The following CATSPERD variants were observed in gnomAD, a reference collection of about 807,000 sequenced individuals.
CATSPERD encodes catsper channel auxiliary subunit delta, also known as cation channel sperm-associated auxiliary subunit delta.
Under a neutral mutation model 98.1 loss-of-function variants are expected in CATSPERD, and 86 were observed. The ratio of observed to expected loss-of-function variants is 0.88; its 90% CI spans 0.74 to 1.05. The LOEUF (loss-of-function observed/expected upper bound fraction) is 1.05. CATSPERD is among the 50% of genes least tolerant of loss of function. The pLI is 0.00. For missense variants in CATSPERD, 995 were observed against 1,005.7 expected, an observed-to-expected ratio of 0.99 and a Z score of 0.14; for synonymous variants, 394 against 390.2, an observed-to-expected ratio of 1.01 and a Z score of -0.12.
In CATSPERD at chr19:5,731,560, GTTTTTTTT is replaced by G. The variant is rs67541709; in HGVS notation, c.276+1635_276+1642del. Among the ~76,000 whole-genome samples the G allele has an allele frequency of 1.8e-3, 134 of 75,724 alleles. 1 individual carries two copies. Among genetic ancestry groups the G allele is most frequent in the African/African-American group, 6.3e-3 (128 of 20,188 alleles). The allele number at this position is 75,724 out of a possible 152,430, so 49.7% of individuals were successfully genotyped here. On this transcript the variant is annotated intron_variant, in intron 4 of 21. Transcript: ENST00000381624. ...TTTCTCCTAAAAGCGACACTTAACA[GTTTTTTTT>G]TTTTTTTTTTTTTTTTTTGAGACGG...
intron 17 of CATSPERD, among the ~76,000 whole-genome samples, chr19:5,767,014 T>G (rs960803852): frequency 3.3e-5 from 5 of 150,880 alleles, no homozygotes; most frequent in Non-Finnish European, 7.4e-5. Context: ...TTAAAATAAA[T>G]TTTTTAAAAA....
At chr19:5,753,529 C>T (rs137899999) in intron 12 of CATSPERD, 114 of 320,206 alleles carry the variant, frequency 3.6e-4, no homozygotes, top group African/African-American at 2.0e-3. Context: ...GCCACTGCAC[C>T]CCAACCTGGG....
intron 20 of CATSPERD, among the ~76,000 whole-genome samples, chr19:5,774,799 T>C (rs768843600): frequency 6.6e-6 from 1 of 151,758 alleles, no homozygotes; most frequent in Non-Finnish European, 1.5e-5. Flanking sequence ...GATGGATCAC[T>C]TGAGGTCAGG....
rs540165807 is a variant in CATSPERD, at chr19:5,773,107, A to C, written c.1941+142A>C. 3.7e-6 allele frequency: 3 copies of C among 803,120 alleles called. No individual in the cohort carries two copies. The African/African-American group carries it at 5.2e-5, about 14-fold the overall frequency. The allele number at this position is 803,120 out of a possible 1,614,324, so 49.7% of individuals were successfully genotyped here. On this transcript the variant is annotated intron_variant, in intron 20 of 21. Transcript: ENST00000381624. ...GGTGGCTCACGCCTGTAATCCCAGCACTTTGGGAGGCTGAGGCAGGTGGAT... is the reference window on the plus strand; with the variant it reads ...GGTGGCTCACGCCTGTAATCCCAGCCCTTTGGGAGGCTGAGGCAGGTGGAT...
At chr19:5,758,029 T>C (rs917941088) in intron 14 of CATSPERD, 97 bp downstream of exon 14, 22 of 1,036,206 alleles carry the variant, frequency 2.1e-5, no homozygotes, top group Non-Finnish European at 3.0e-5. Context: ...GTTTCCAGGG[T>C]ACATAGCCCG....
At chr19:5,745,691 C>T (rs941692640) in intron 8 of CATSPERD, among the ~76,000 whole-genome samples, 1 of 152,166 alleles carries the variant, frequency 6.6e-6, no homozygotes, top group Admixed American at 6.6e-5. Flanking sequence ...GAGTAATTCT[C>T]TATTCAGAAC....
At chr19:5,733,713 C>T in intron 4 of CATSPERD, 143 bp from the exon 5 acceptor site, 1 of 609,710 alleles carries the variant, frequency 1.6e-6, no homozygotes, top group Non-Finnish European at 2.9e-6. Flanking sequence ...GCCTTGGCCT[C>T]CCAAAGTGCT....
At chr19:5,723,044 C>CG (rs2055526594) in intron 1 of CATSPERD, among the ~76,000 whole-genome samples, 1 of 151,318 alleles carries the variant, frequency 6.6e-6, no homozygotes, top group South Asian at 2.1e-4. Flanking sequence ...AAAAATTAGT[C>CG]GGTGTGGTGG....
intron 3 of CATSPERD, among the ~76,000 whole-genome samples, chr19:5,728,524 C>T (rs1313646100): frequency 1.3e-5 from 2 of 151,510 alleles, no homozygotes; most frequent in Non-Finnish European, 2.9e-5. Flanking sequence ...ACCATTGTAC[C>T]CCGTCTGGAT....
chr19:5,746,452 G>C (rs181219171), intron 9 of CATSPERD, among the ~76,000 whole-genome samples: 4 of 151,026 alleles, frequency 2.6e-5, no homozygotes, highest in African/African-American at 9.7e-5. Context: ...TTTTTGAGAC[G>C]GAGTCTCACT....
chr19:5,752,217 G>A (rs2056234960), intron 12 of CATSPERD, among the ~76,000 whole-genome samples: 1 of 152,092 alleles, frequency 6.6e-6, no homozygotes, highest in South Asian at 2.1e-4. Context: ...GCTGAGGCAT[G>A]AGAATCTCTT....
intron 7 of CATSPERD, among the ~76,000 whole-genome samples, chr19:5,741,743 G>A (rs920374626): frequency 2.1e-5 from 3 of 141,892 alleles, no homozygotes; most frequent in African/African-American, 5.2e-5. Flanking sequence ...GTCCAGGCGC[G>A]GTGCCTCAGC....
intron 15 of CATSPERD, among the ~76,000 whole-genome samples, chr19:5,762,636 GATGGATGGATAAATGGAT>G (rs2056462822): frequency 6.6e-6 from 1 of 151,292 alleles, no homozygotes. Flanking sequence ...TGGATGGATG[GATGGATGGATAAATGGAT>G]AGATGGATGA....
chr19:5,736,751 A>G (rs977877207), intron 5 of CATSPERD, among the ~76,000 whole-genome samples: 4 of 151,286 alleles, frequency 2.6e-5, no homozygotes, highest in Non-Finnish European at 5.9e-5. Context: ...AAATAAATAA[A>G]TAAGTAAATA....
At chr19:5,742,129 C>T (rs571288611) in intron 7 of CATSPERD, among the ~76,000 whole-genome samples, 7 of 148,010 alleles carry the variant, frequency 4.7e-5, no homozygotes, top group Admixed American at 6.9e-5. Flanking sequence ...TTTGTGTGTG[C>T]GTGTGTGCGC....
Position 5,751,837 on chromosome 19 carries a change from ACT to A in CATSPERD, c.1164+15_1164+16del. 1 of 1,601,910 alleles carries A rather than the reference ACT, an allele frequency of 6.2e-7. No homozygotes were observed. Among genetic ancestry groups the A allele is most frequent in the Non-Finnish European group, 8.5e-7 (1 of 1,172,266 alleles). On this transcript the variant is annotated intron_variant, in intron 12 of 21. Coordinates refer to ENST00000381624, the MANE Select transcript of CATSPERD (RefSeq NM_152784.4). ...GGAAAGTGCAAGGTATGTGATCCTA[ACT>A]GTTTTGATCAATGTTCAATGTAGTT...
chr19:5,744,588 T>A, intron 8 of CATSPERD, 78 bp downstream of exon 8: 1 of 962,898 alleles, frequency 1.0e-6, no homozygotes. Flanking sequence ...CGCACATTTT[T>A]AAACATTTAT....
At position 5,763,207 on chromosome 19, in the gene CATSPERD, C is replaced by T. The variant is rs1416470444; in HGVS notation, c.1428-8C>T. The T allele has an allele frequency of 3.1e-6, 5 of 1,613,220 alleles. No homozygotes were observed. The South Asian group carries it at 5.5e-5, about 18-fold the overall frequency. On this transcript the variant is annotated splice_polypyrimidine_tract_variant and splice_region_variant and intron_variant, in intron 15 of 21. Transcript: ENST00000381624. ...TTCTCTAATAACACAGGTTCCGTTG[C>T]CTTGCAGTTTAAAGAAAGCCACCAT...
chr19:5,760,055 CAG>C (rs1283275386), intron 15 of CATSPERD, among the ~76,000 whole-genome samples: 1 of 109,328 alleles, frequency 9.1e-6, no homozygotes, highest in African/African-American at 3.7e-5. Context: ...GCCTGGGTGA[CAG>C]AGTGAGACTC....
Sources: allele counts gnomAD v4.1 joint callset (sites outside exome capture counted in the v4.1 genomes callset), GRCh38; gene constraint gnomAD v4.1.1; transcripts MANE v1.5; gene names NCBI Gene and HGNC (gene_info 2026-07-23, HGNC 2026-07-21).